RPS6KA4: variants seen among roughly 807,000 people sequenced by gnomAD.
RPS6KA4 encodes the protein ribosomal protein S6 kinase alpha-4.
RPS6KA4 carries 38 observed loss-of-function variants against 89.6 expected under a neutral mutation model. That is an observed-to-expected ratio of 0.42 (90% CI 0.33 to 0.56). The LOEUF is 0.56. Ranked by LOEUF, RPS6KA4 falls within the 20% of genes least tolerant of loss-of-function variation. The pLI is 0.07. For synonymous variants in RPS6KA4, 495 were observed against 492.8 expected (o/e 1.00, Z -0.06); for missense variants, 873 against 1,098.8 (o/e 0.79, Z 2.90).
At chr11:64,360,945 C>CCCTTTGTTTTATATCTTAA (rs2036728858) in intron 4 of RPS6KA4, 189 bp from the exon 5 acceptor site, 1 of 582,118 alleles carries the variant, frequency 1.7e-6, no homozygotes, top group Non-Finnish European at 3.0e-6. Context: ...GGGCCTGATC[C>CCCTTTGTTTTATATCTTAA]ACGGGGCCCT....
Position 64,370,193 on chromosome 11 carries a change from G to A in RPS6KA4, c.1798-32G>A. 1 of 1,513,668 alleles carries A rather than the reference G, an allele frequency of 6.6e-7. No individual in the cohort carries two copies. Among genetic ancestry groups the A allele is most frequent in the South Asian group, 1.4e-5 (1 of 72,984 alleles). 93.8% of individuals were successfully genotyped at this position (1,513,668 alleles called of 1,614,324 possible). ...GGGGTCAGCCTCGGCACCCCAGCCT[G>A]GGCCGGCCTCACCTTCCCCTCACCC... On this transcript the variant is annotated intron_variant, in intron 14 of 16. Transcript: ENST00000334205. The surrounding 1 kb of genome is among the most constrained non-coding windows in gnomAD (Gnocchi z 4.1).
rs1189770451 is a variant in RPS6KA4, at chr11:64,359,171, G to A, written c.-65G>A. On this transcript the variant is annotated 5_prime_UTR_variant, in exon 1 of 17. Coordinates refer to ENST00000334205, the MANE Select transcript of RPS6KA4 (RefSeq NM_003942.3). ...GCACCAGGAAGCGCCCGCCCCGGCC[G>A]GAGCCGCCATGTAACCGGCGCCGCC... 2.8e-5 allele frequency: 34 copies of A among 1,214,394 alleles called. No homozygotes were observed. The highest frequency in any genetic ancestry group is 4.1e-5 in the South Asian group (1 of 24,582). The allele number at this position is 1,214,394 out of a possible 1,614,324, so 75.2% of individuals were successfully genotyped here.
Position 64,359,308 on chromosome 11 carries a change from C to G in RPS6KA4, c.55+18C>G, listed in dbSNP as rs2036671845. 6.3e-7 allele frequency: 1 copy of G among 1,599,646 alleles called. No homozygotes were observed. The highest frequency in any genetic ancestry group is 1.7e-5 in the Admixed American group (1 of 58,072). On this transcript the variant is annotated intron_variant, in intron 1 of 16. Coordinates refer to ENST00000334205, the MANE Select transcript of RPS6KA4 (RefSeq NM_003942.3). ...CACAGAAGGTGGGTGTGGGGCCTGA[C>G]TGCGGCTGCCCGGGGCAGGCCGGGA...
rs1347144121 is a variant in RPS6KA4, at chr11:64,368,765, G to A, written c.1396G>A (p.Val466Met). Residue 466 changes from valine to methionine, a missense_variant, in exon 12 of 17, where the codon GTG becomes ATG. Val to Met is a conservative substitution (Grantham distance 21). Transcript: ENST00000334205. ...GCGCCTGTGCCAGTCACACCCCAAC[G>A]TGGTGAATCTGCACGAGGTGCATCA... ...ALRLCQSHPN[V>M]VNLHEVHHDQ... is the part of the protein sequence containing the mutation. 1 of 1,572,610 alleles carries A rather than the reference G, an allele frequency of 6.4e-7. No individual in the cohort carries two copies. Among genetic ancestry groups the A allele is most frequent in the Non-Finnish European group, 8.6e-7 (1 of 1,159,144 alleles).
chr11:64,364,906 ATTTTT>A (rs35498968), intron 8 of RPS6KA4, among the ~76,000 whole-genome samples: 158 of 132,474 alleles, frequency 1.2e-3, no homozygotes, highest in Middle Eastern at 3.8e-3. Flanking sequence ...CGCCCAGCTA[ATTTTT>A]TTTTTTTTTT....
intron 2 of RPS6KA4, 39 bp from the exon 3 acceptor site, chr11:64,360,124 G>T: frequency 6.6e-7 from 1 of 1,510,396 alleles, no homozygotes; most frequent in Non-Finnish European, 8.9e-7. Context: ...CCAATCTCCC[G>T]CTCACAGCCC....
rs1011466564 is a variant in RPS6KA4 at position 64,371,691 on chromosome 11, G to T, written c.*211G>T. ...TAGAGTTGCAGGGAAGGGGGGGCCT[G>T]CTGGGGAGTGGGGTTTGGGGGGCCC... On this transcript the variant is annotated 3_prime_UTR_variant, in exon 17 of 17. Coordinates refer to ENST00000334205, the MANE Select transcript of RPS6KA4 (RefSeq NM_003942.3). 8.2e-6 allele frequency: 4 copies of T among 486,732 alleles called. No individual in the cohort carries two copies. The highest frequency in any genetic ancestry group is 7.3e-6 in the Non-Finnish European group (2 of 275,188). The allele number at this position is 486,732 out of a possible 1,614,324, so 30.2% of individuals were successfully genotyped here. A position where few individuals can be genotyped will look rare whatever the true frequency, so the allele number is the denominator to read the frequency against.
chr11:64,365,911 C>A (rs536131637), intron 9 of RPS6KA4, among the ~76,000 whole-genome samples: 2 of 151,874 alleles, frequency 1.3e-5, no homozygotes, highest in Non-Finnish European at 2.9e-5. Flanking sequence ...TGGTGGTATG[C>A]GCCTGTAATC....
At position 64,365,433 on chromosome 11, in the gene RPS6KA4, A is replaced by C. The variant is rs1450606547; in HGVS notation, c.1039A>C (p.Ser347Arg). The C allele has an allele frequency of 3.1e-6, 5 of 1,613,914 alleles. No individual in the cohort carries two copies. Among genetic ancestry groups the C allele is most frequent in the South Asian group, 2.2e-5 (2 of 91,066 alleles). ...RLEPVYSPPG[S>R]PPPGDPRIFQ... ...GGAGCCTGTCTACTCACCCCCTGGC[A>C]GCCCCCCACCTGGGGACCCCCGAAT... The change falls in exon 9 of 17, where the codon AGC (serine) becomes CGC (arginine). Residue 347 changes from serine (S) to arginine (R), a missense_variant. Physicochemically the swap from Ser to Arg is moderately radical, Grantham distance 110. Transcript: ENST00000334205.
At position 64,371,841 on chromosome 11, in the gene RPS6KA4, T is replaced by G; in HGVS notation, c.*361T>G. 1.7e-5 allele frequency: 3 copies of G among 180,432 alleles called. No homozygotes were observed. The highest frequency in any genetic ancestry group is 6.2e-5 in the Admixed American group (1 of 16,126). The allele number at this position is 180,432 out of a possible 1,614,324, so 11.2% of individuals were successfully genotyped here. A position where few individuals can be genotyped will look rare whatever the true frequency, so the allele number is the denominator to read the frequency against. On this transcript the variant is annotated 3_prime_UTR_variant, in exon 17 of 17. Coordinates refer to ENST00000334205, the MANE Select transcript of RPS6KA4 (RefSeq NM_003942.3). ...TGCTAACTCCTAAACTGGGACCCCCTACCCTGTTCTCCCCTGAGGCCCCGT... is the reference window on the plus strand; with the variant it reads ...TGCTAACTCCTAAACTGGGACCCCCGACCCTGTTCTCCCCTGAGGCCCCGT...
At position 64,360,463 on chromosome 11, in the gene RPS6KA4, A is replaced by T; in HGVS notation, c.347-14A>T. On this transcript the variant is annotated splice_polypyrimidine_tract_variant and intron_variant, in intron 3 of 16. Transcript: ENST00000334205. ...CTGACGGGGCTGCTTCCTGACTTCCACTGCACCTCCCAGACTATGTGAGCG... is the reference window on the plus strand; with the variant it reads ...CTGACGGGGCTGCTTCCTGACTTCCTCTGCACCTCCCAGACTATGTGAGCG... 2.5e-6 allele frequency: 4 copies of T among 1,608,516 alleles called. No individual in the cohort carries two copies. The highest frequency in any genetic ancestry group is 3.4e-6 in the Non-Finnish European group (4 of 1,177,610).
chr11:64,370,360 G>A lies in RPS6KA4; in HGVS notation c.1933G>A (p.Glu645Lys), dbSNP rs753090599. The A allele has an allele frequency of 6.2e-7, 1 of 1,608,796 alleles. No individual in the cohort carries two copies. The highest frequency in any genetic ancestry group is 1.7e-5 in the Admixed American group (1 of 57,862). Residue 645 changes from glutamate to lysine, a missense_variant, in exon 15 of 17, where the codon GAG becomes AAG. Coordinates refer to ENST00000334205, the MANE Select transcript of RPS6KA4 (RefSeq NM_003942.3). The surrounding 1 kb of genome is among the most constrained non-coding windows in gnomAD (Gnocchi z 4.1). Reference sequence around the variant, plus strand: ...CGGGGAGGCCTGGCAGGGTGTATCCGAGGAAGCCAAGGAGCTGGTCCGAGG... The same window carrying A: ...CGGGGAGGCCTGGCAGGGTGTATCCAAGGAAGCCAAGGAGCTGGTCCGAGG... ...LDGEAWQGVS[E>K]EAKELVRGLL...
At chr11:64,369,345 A>G in intron 12 of RPS6KA4, 101 bp from the exon 13 acceptor site, 1 of 1,297,628 alleles carries the variant, frequency 7.7e-7, no homozygotes, top group Non-Finnish European at 1.0e-6. Flanking sequence ...GGGGTTCTCG[A>G]ACATTGGCAG....
At chr11:64,369,932 C>A in intron 14 of RPS6KA4, 39 bp downstream of exon 14, 1 of 1,469,254 alleles carries the variant, frequency 6.8e-7, no homozygotes, top group Non-Finnish European at 9.0e-7. Flanking sequence ...CAGGGTCGCT[C>A]GGACCTGGCG....
chr11:64,370,519 C>G lies in RPS6KA4; in HGVS notation c.1958-44C>G, dbSNP rs1412554267. On this transcript the variant is annotated intron_variant, in intron 15 of 16. Transcript: ENST00000334205. The surrounding 1 kb of genome is among the most constrained non-coding windows in gnomAD (Gnocchi z 4.1). ...TGTTACGATCTCTTTGGGGCTCAGCCTTTACGCCAGGCTCCTCCCCACACT... is the reference window on the plus strand; with the variant it reads ...TGTTACGATCTCTTTGGGGCTCAGCGTTTACGCCAGGCTCCTCCCCACACT... The G allele has an allele frequency of 6.3e-7, 1 of 1,591,496 alleles. No homozygotes were observed. Among genetic ancestry groups the G allele is most frequent in the South Asian group, 1.1e-5 (1 of 89,544 alleles).
At position 64,361,626 on chromosome 11, in the gene RPS6KA4, C is replaced by T. The variant is rs554615740; in HGVS notation, c.652-16C>T. On this transcript the variant is annotated splice_polypyrimidine_tract_variant and intron_variant, in intron 6 of 16. Coordinates refer to ENST00000334205, the MANE Select transcript of RPS6KA4 (RefSeq NM_003942.3). The surrounding 1 kb of genome is among the most constrained non-coding windows in gnomAD (Gnocchi z 4.7). ...GCAGGGGAGATGCAGGCCCTCACCC[C>T]GGCTCCACCCGGCAGGCTGTGGACT... is the stretch of plus-strand genomic sequence containing the variant. The T allele has an allele frequency of 6.1e-5, 99 of 1,613,252 alleles. No individual in the cohort carries two copies. The highest frequency in any genetic ancestry group is 1.7e-4 in the Middle Eastern group (1 of 6,046).
At chr11:64,362,300 G>A (rs1489619366) in intron 8 of RPS6KA4, among the ~76,000 whole-genome samples, 2 of 152,230 alleles carry the variant, frequency 1.3e-5, no homozygotes, top group African/African-American at 4.8e-5. Context: ...GCCCCCGACG[G>A]CACAGTAAAT....
chr11:64,363,732 T>A (rs2036811921), intron 8 of RPS6KA4, among the ~76,000 whole-genome samples: 1 of 152,156 alleles, frequency 6.6e-6, no homozygotes, highest in African/African-American at 2.4e-5. Flanking sequence ...TCTCGTGATC[T>A]GCCCGCCTTA....
chr11:64,359,691 C>T (rs2036689243), intron 2 of RPS6KA4: 1 of 568,070 alleles, frequency 1.8e-6, no homozygotes, highest in East Asian at 3.0e-5. Flanking sequence ...TTTGCCAACA[C>T]CCTGGGGAGG....
Sources: allele counts gnomAD v4.1 joint callset (sites outside exome capture counted in the v4.1 genomes callset), GRCh38; gene constraint gnomAD v4.1.1; non-coding constraint Gnocchi (gnomAD v3.1); transcripts MANE v1.5; gene names NCBI Gene and HGNC (gene_info 2026-07-23, HGNC 2026-07-21).